The following CRACD variants were observed in gnomAD, a reference collection of about 807,000 sequenced individuals.
CRACD encodes the protein capping protein-inhibiting regulator of actin dynamics.
CRACD carries 56 observed loss-of-function variants against 106.8 expected under a neutral mutation model. The ratio of observed to expected loss-of-function variants is 0.52; its 90% CI spans 0.42 to 0.66. CRACD has a LOEUF of 0.66. Ranked by LOEUF, CRACD falls within the 30% of genes least tolerant of loss-of-function variation. The probability of loss-of-function intolerance (pLI) is 0.00; values close to 1 mark genes in which losing one functional copy is unlikely to be tolerated. For missense variants in CRACD, 1,730 were observed against 1,623.2 expected, an observed-to-expected ratio of 1.07 and a Z score of -1.13; for synonymous variants, 754 against 670.8, an observed-to-expected ratio of 1.12 and a Z score of -1.92.
rs545506498 is a variant in CRACD, at chr4:56,214,681, C to CTATATATATATA, written c.-189+35255_-189+35266dup. Among the ~76,000 whole-genome samples, 489 of 80,862 alleles carry CTATATATATATA rather than the reference C, an allele frequency of 6.0e-3. 11 individuals are homozygous for CTATATATATATA. Among genetic ancestry groups the CTATATATATATA allele is most frequent in the Middle Eastern group, 0.014 (2 of 144 alleles). 53.0% of individuals were successfully genotyped at this position (80,862 alleles called of 152,430 possible). On this transcript the variant is annotated intron_variant, in intron 2 of 10. Transcript: ENST00000682029. ...TCTCTCTCTCTCTCTCTCTCTCTCT[C>CTATATATATATA]TATATATATATATATCAAACAGTTA... is the stretch of plus-strand genomic sequence containing the variant.
intron 2 of CRACD, among the ~76,000 whole-genome samples, chr4:56,243,618 G>T (rs1740498162): frequency 6.6e-6 from 1 of 151,928 alleles, no homozygotes; most frequent in Non-Finnish European, 1.5e-5. Flanking sequence ...TTTTTTAAAT[G>T]GCTTTCTTTT....
intron 1 of CRACD, among the ~76,000 whole-genome samples, chr4:56,142,001 CT>C (rs1455705603): frequency 6.6e-6 from 1 of 152,074 alleles, no homozygotes; most frequent in Admixed American, 6.6e-5. Flanking sequence ...ACCGAATTTG[CT>C]TTTATTACCT....
At chr4:56,113,693 T>C (rs1384407560) in intron 1 of CRACD, among the ~76,000 whole-genome samples, 1 of 152,190 alleles carries the variant, frequency 6.6e-6, no homozygotes, top group Non-Finnish European at 1.5e-5. Context: ...AAATCTGATA[T>C]ATTTTTGCTT....
At chr4:56,319,543 A>G (rs1745917023) in intron 8 of CRACD, among the ~76,000 whole-genome samples, 5 of 151,954 alleles carry the variant, frequency 3.3e-5, no homozygotes, top group Admixed American at 3.3e-4. Context: ...GGTCGAGGCT[A>G]CAGTGAGCTG....
chr4:56,180,346 G>T (rs2109435511), intron 2 of CRACD, among the ~76,000 whole-genome samples: 1 of 151,650 alleles, frequency 6.6e-6, no homozygotes, highest in African/African-American at 2.4e-5. Context: ...AAAAACAGCT[G>T]GGCGTGATGG....
In CRACD at chr4:56,328,456, G is replaced by A; in HGVS notation, c.*652G>A. On this transcript the variant is annotated 3_prime_UTR_variant, in exon 11 of 11. Transcript: ENST00000682029. ...CTGTGGATTCATAGTGTGGGGCCCT[G>A]TTATTCCAATACCCTCCTTAAGGAC... 7 of 513,338 alleles carry A rather than the reference G, an allele frequency of 1.4e-5. No individual in the cohort carries two copies. Among genetic ancestry groups the A allele is most frequent in the South Asian group, 1.0e-4 (7 of 69,942 alleles). 31.8% of individuals were successfully genotyped at this position (513,338 alleles called of 1,614,324 possible). A position where few individuals can be genotyped will look rare whatever the true frequency, so the allele number is the denominator to read the frequency against.
chr4:56,133,126 C>T (rs1463066268), intron 1 of CRACD, among the ~76,000 whole-genome samples: 1 of 152,140 alleles, frequency 6.6e-6, no homozygotes. Context: ...TCCTGTCACC[C>T]AGATTTTCTT....
At position 56,317,017 on chromosome 4, in the gene CRACD, G is replaced by T. The variant is rs114950499; in HGVS notation, c.3187+328G>T. On this transcript the variant is annotated intron_variant, in intron 8 of 10. Coordinates refer to ENST00000682029, the MANE Select transcript of CRACD (RefSeq NM_001393381.1). Reference sequence around the variant, plus strand: ...TTTTGGTGCCTTAATGTCAGCAAGGGTTGCAAAATGAGTTTTGCCATGACA... The same window carrying T: ...TTTTGGTGCCTTAATGTCAGCAAGGTTTGCAAAATGAGTTTTGCCATGACA... Among the ~76,000 whole-genome samples the T allele has an allele frequency of 5.4e-3, 825 of 152,258 alleles. 11 individuals carry two copies. Among genetic ancestry groups the T allele is most frequent in the African/African-American group, 0.018 (745 of 41,536 alleles).
chr4:56,218,775 G>A (rs57219225), intron 2 of CRACD, among the ~76,000 whole-genome samples: 39,353 of 151,708 alleles, frequency 0.26, 5,119 homozygotes, highest in Middle Eastern at 0.28. Flanking sequence ...GCCCAGCCTA[G>A]AAATTTTCTT....
intron 4 of CRACD, among the ~76,000 whole-genome samples, chr4:56,306,511 T>TCAAACAAA (rs61517832): frequency 3.1e-3 from 476 of 151,482 alleles, no homozygotes; most frequent in African/African-American, 9.5e-3. Flanking sequence ...AGACCGTGTC[T>TCAAACAAA]CAAACAAACA....
At chr4:56,153,932 G>A (rs1339610666) in intron 1 of CRACD, among the ~76,000 whole-genome samples, 1 of 152,092 alleles carries the variant, frequency 6.6e-6, no homozygotes, top group Non-Finnish European at 1.5e-5. Context: ...CCCATACCTC[G>A]TTATTCACTA....
intron 1 of CRACD, among the ~76,000 whole-genome samples, chr4:56,085,986 T>G (rs1733206105): frequency 6.6e-6 from 1 of 152,208 alleles, no homozygotes; most frequent in Non-Finnish European, 1.5e-5. Context: ...ATTCTTCAAT[T>G]CTCCCTGCAT....
intron 2 of CRACD, among the ~76,000 whole-genome samples, chr4:56,251,914 TA>T (rs1741076151): frequency 6.6e-6 from 1 of 152,250 alleles, no homozygotes; most frequent in Non-Finnish European, 1.5e-5. Flanking sequence ...ATTTCTCAAA[TA>T]TTTTTTACTT....
chr4:56,204,132 C>G (rs947591487), intron 2 of CRACD, among the ~76,000 whole-genome samples: 5 of 152,192 alleles, frequency 3.3e-5, no homozygotes, highest in African/African-American at 1.2e-4. Context: ...GGCTAGGCAT[C>G]CTCATGCAGG....
intron 1 of CRACD, among the ~76,000 whole-genome samples, chr4:56,067,066 CAG>C (rs1299269967): frequency 1.3e-5 from 2 of 152,036 alleles, no homozygotes; most frequent in African/African-American, 4.8e-5. Flanking sequence ...CAAAATAGAA[CAG>C]GGCTTGCCTA....
chr4:56,096,649 A>G (rs1229977159), intron 1 of CRACD, among the ~76,000 whole-genome samples: 5 of 151,984 alleles, frequency 3.3e-5, no homozygotes. Context: ...AAAAGAGAAT[A>G]GAGAAATGAC....
At chr4:56,082,632 C>T (rs1441636644) in intron 1 of CRACD, among the ~76,000 whole-genome samples, 1 of 152,026 alleles carries the variant, frequency 6.6e-6, no homozygotes, top group African/African-American at 2.4e-5. Context: ...AAGATGACTT[C>T]TAGGTTTCTG....
At chr4:56,267,797 T>C (rs4864574) in intron 2 of CRACD, among the ~76,000 whole-genome samples, 89,195 of 151,974 alleles carry the variant, frequency 0.59, 26,790 homozygotes, top group Middle Eastern at 0.76. Flanking sequence ...TGTGTACTTG[T>C]GTCAAGTTAT....
intron 2 of CRACD, chr4:56,216,269 C>G (rs1442655188): frequency 6.6e-6 from 1 of 152,254 alleles, no homozygotes; most frequent in African/African-American, 2.4e-5. Flanking sequence ...AGATTTCCTG[C>G]TGAGGTAAGT....
Sources: allele counts gnomAD v4.1 joint callset (sites outside exome capture counted in the v4.1 genomes callset), GRCh38; gene constraint gnomAD v4.1.1; transcripts MANE v1.5; gene names NCBI Gene and HGNC (gene_info 2026-07-23, HGNC 2026-07-21).